COL7A1: variants seen among roughly 807,000 people sequenced by gnomAD.
COL7A1 encodes the protein collagen type VII alpha 1 chain, also known as collagen alpha-1(VII) chain.
In COL7A1, 296 loss-of-function variants were observed where a neutral mutation model predicts 456.2. The ratio of observed to expected loss-of-function variants is 0.65; its 90% confidence interval spans 0.59 to 0.71. COL7A1 has a LOEUF of 0.71. COL7A1 is among the 30% of genes least tolerant of loss of function. The pLI is 0.00. For missense variants in COL7A1, 3,441 were observed against 4,017.2 expected, an observed-to-expected ratio of 0.86 and a Z score of 3.88; for synonymous variants, 1,464 against 1,525.9, an observed-to-expected ratio of 0.96 and a Z score of 0.95.
In COL7A1 at chr3:48,586,713, C is replaced by A. The variant is rs112544320; in HGVS notation, c.3277-24G>T. 1.9e-6 allele frequency: 3 copies of A among 1,562,414 alleles called. No homozygotes were observed. Among genetic ancestry groups the A allele is most frequent in the Non-Finnish European group, 2.6e-6 (3 of 1,152,786 alleles). On this transcript the variant is annotated intron_variant, in intron 25 of 118. Transcript: ENST00000681320. The surrounding 1 kb of genome is among the most constrained non-coding windows in gnomAD (Gnocchi z 5.1). Reference sequence around the variant, plus strand: ...ACCTGGGGTGGAAGGAAACACAGAGCCTGAGGAGGATGACAGAGCAGGGAT... The same window carrying A: ...ACCTGGGGTGGAAGGAAACACAGAGACTGAGGAGGATGACAGAGCAGGGAT...
Position 48,570,527 on chromosome 3 carries a change from C to T in COL7A1, c.7345-27G>A, listed in dbSNP as rs757691011. On this transcript the variant is annotated intron_variant, in intron 96 of 118. Coordinates refer to ENST00000681320, the MANE Select transcript of COL7A1 (RefSeq NM_000094.4). This position sits in a 1 kb window ranked among gnomAD's most constrained non-coding sequence, Gnocchi z 5.5. ...TGTAGGTCAGAGTGAGGTGAGGGTC[C>T]TGTGGCTCTCAAAGCGCCTCCCCCA... 34 of 1,613,894 alleles carry T rather than the reference C, an allele frequency of 2.1e-5. No homozygotes were observed. The South Asian group carries it at 2.9e-4, about 14-fold the overall frequency.
chr3:48,569,503 G>T lies in COL7A1; in HGVS notation c.7615-57C>A. On this transcript the variant is annotated intron_variant, in intron 102 of 118. Coordinates refer to ENST00000681320, the MANE Select transcript of COL7A1 (RefSeq NM_000094.4). The surrounding 1 kb of genome is among the most constrained non-coding windows in gnomAD (Gnocchi z 4.9). ...GGGGCTGAAGGTCCCTCACCCTCTGGGAGTTTGAGCTCTCAGATGCCCTGG... is the reference window on the plus strand; with the variant it reads ...GGGGCTGAAGGTCCCTCACCCTCTGTGAGTTTGAGCTCTCAGATGCCCTGG... The T allele has an allele frequency of 6.2e-7, 1 of 1,612,918 alleles. No individual in the cohort carries two copies. The highest frequency in any genetic ancestry group is 1.3e-5 in the African/African-American group (1 of 75,004).
chr3:48,571,719 G>A lies in COL7A1; in HGVS notation c.7068+282C>T, dbSNP rs1267047100. The stretch of plus-strand genomic sequence containing the variant: ...GAGAGGTTCACAAGAACTCAGGTGT[G>A]TCCTGGGATCTGGGAGATCAGACCA... On this transcript the variant is annotated intron_variant, in intron 92 of 118. Transcript: ENST00000681320. This position sits in a 1 kb window ranked among gnomAD's most constrained non-coding sequence, Gnocchi z 4.6. 1.4e-5 allele frequency: 9 copies of A among 639,930 alleles called. No individual in the cohort carries two copies. The Admixed American group carries it at 2.0e-4, about 14-fold the overall frequency. 39.6% of individuals were successfully genotyped at this position (639,930 alleles called of 1,614,324 possible).
In COL7A1 at chr3:48,572,119, C is replaced by T; in HGVS notation, c.7023+8G>A. On this transcript the variant is annotated splice_region_variant and intron_variant, in intron 91 of 118. Coordinates refer to ENST00000681320, the MANE Select transcript of COL7A1 (RefSeq NM_000094.4). This position sits in a 1 kb window ranked among gnomAD's most constrained non-coding sequence, Gnocchi z 4.6. ...CAGTAGTCAGGCCCCAGGGCCAACC[C>T]ACCTCACCTTCTCGCCTCGCGGCCC... 1 of 1,614,054 alleles carries T rather than the reference C, an allele frequency of 6.2e-7. No individual in the cohort carries two copies. The highest frequency in any genetic ancestry group is 8.5e-7 in the Non-Finnish European group (1 of 1,179,996).
chr3:48,585,769 A>C lies in COL7A1; in HGVS notation c.3787-35T>G. The C allele has an allele frequency of 6.2e-7, 1 of 1,613,570 alleles. No homozygotes were observed. The highest frequency in any genetic ancestry group is 8.5e-7 in the Non-Finnish European group (1 of 1,179,870). On this transcript the variant is annotated intron_variant, in intron 30 of 118. Transcript: ENST00000681320. The surrounding 1 kb of genome is among the most constrained non-coding windows in gnomAD (Gnocchi z 4.5). Reference sequence around the variant, plus strand: ...GTAATCAGTGAGACCTGTGCTGCCAACCTCTCCTGCCCCACTGACACTCAA... The same window carrying C: ...GTAATCAGTGAGACCTGTGCTGCCACCCTCTCCTGCCCCACTGACACTCAA...
In COL7A1 at chr3:48,565,184, C is replaced by A; in HGVS notation, c.8545G>T (p.Asp2849Tyr). ...TCGGAGTATTCAGAGTACTCATCAT[C>A]CTCAGGGGGTACCCGCTCTGCAGGT... is the stretch of plus-strand genomic sequence containing the variant. Reference protein sequence around the residue: ...AEEEERVPPEDDEYSEYSEYS... With the variant: ...AEEEERVPPEYDEYSEYSEYS... The change falls in exon 117 of 119, where the codon GAT becomes TAT. Residue 2849 changes from aspartate to tyrosine, a missense_variant. Asp to Tyr is a radical substitution (Grantham distance 160, BLOSUM62 -3). Transcript: ENST00000681320. The surrounding 1 kb of genome is among the most constrained non-coding windows in gnomAD (Gnocchi z 4.5). 6.2e-7 allele frequency: 1 copy of A among 1,613,874 alleles called. No homozygotes were observed. Among genetic ancestry groups the A allele is most frequent in the Non-Finnish European group, 8.5e-7 (1 of 1,179,894 alleles).
chr3:48,574,020 A>G lies in COL7A1; in HGVS notation c.6502-130T>C. On this transcript the variant is annotated intron_variant, in intron 80 of 118. Coordinates refer to ENST00000681320, the MANE Select transcript of COL7A1 (RefSeq NM_000094.4). This position sits in a 1 kb window ranked among gnomAD's most constrained non-coding sequence, Gnocchi z 5.0. ...TTCCAGTCACAGATAATACCTACCC[A>G]TGGACTGCCTCTCATAGATAGCACA... The G allele has an allele frequency of 8.0e-7, 1 of 1,246,846 alleles. No homozygotes were observed. Among genetic ancestry groups the G allele is most frequent in the East Asian group, 2.5e-5 (1 of 39,622 alleles). The allele number at this position is 1,246,846 out of a possible 1,614,324, so 77.2% of individuals were successfully genotyped here.
At position 48,572,338 on chromosome 3, in the gene COL7A1, C is replaced by T. The variant is rs746453177; in HGVS notation, c.6978+42G>A. On this transcript the variant is annotated intron_variant, in intron 90 of 118. Transcript: ENST00000681320. This position sits in a 1 kb window ranked among gnomAD's most constrained non-coding sequence, Gnocchi z 4.6. Reference sequence around the variant, plus strand: ...GTCAGAAGTTAGGCCACTGGAGAGACAGGACCCCCAGAACATCTGCTGTCA... The same window carrying T: ...GTCAGAAGTTAGGCCACTGGAGAGATAGGACCCCCAGAACATCTGCTGTCA... 1.1e-5 allele frequency: 18 copies of T among 1,614,022 alleles called. No individual in the cohort carries two copies. The highest frequency in any genetic ancestry group is 8.8e-5 in the South Asian group (8 of 91,088).
Position 48,566,153 on chromosome 3 carries a change from A to G in COL7A1, c.8407+114T>C. On this transcript the variant is annotated intron_variant, in intron 114 of 118. Transcript: ENST00000681320. The surrounding 1 kb of genome is among the most constrained non-coding windows in gnomAD (Gnocchi z 5.9). ...CTGCAGCACATGTGTCCTTCTGTGT[A>G]TCCATCCATCCCCCCATCTTCTTGA... The G allele has an allele frequency of 9.0e-7, 1 of 1,106,634 alleles. No individual in the cohort carries two copies. The highest frequency in any genetic ancestry group is 1.3e-6 in the Non-Finnish European group (1 of 745,330). 68.6% of individuals were successfully genotyped at this position (1,106,634 alleles called of 1,614,324 possible). A position where few individuals can be genotyped will look rare whatever the true frequency, so the allele number is the denominator to read the frequency against.
chr3:48,587,074 T>G lies in COL7A1; in HGVS notation c.3174A>C (p.Leu1058=). The G allele has an allele frequency of 6.2e-7, 1 of 1,611,264 alleles. No individual in the cohort carries two copies. The highest frequency in any genetic ancestry group is 1.6e-4 in the Middle Eastern group (1 of 6,062). ...CPRGLADVVF[L]PHATQDNAHR... ...GAGCATTGTCTTGAGTGGCATGTGG[T>G]AGGAACACCACATCCGCCAGGCCAC... Residue 1058 remains leucine (L), a synonymous_variant, in exon 25 of 119, where the codon CTA becomes CTC. Transcript: ENST00000681320. The surrounding 1 kb of genome is among the most constrained non-coding windows in gnomAD (Gnocchi z 6.1).
At position 48,573,316 on chromosome 3, in the gene COL7A1, C is replaced by A. The variant is rs1475291441; in HGVS notation, c.6651G>T (p.Arg2217=). The A allele has an allele frequency of 6.2e-7, 1 of 1,613,986 alleles. No individual in the cohort carries two copies. Among genetic ancestry groups the A allele is most frequent in the Non-Finnish European group, 8.5e-7 (1 of 1,180,020 alleles). ...CTAACCTGTGAGCTAGGCCACTCAC[C>A]CGTCCTGGAGGTCCTGTCTCTCCAG... is the stretch of plus-strand genomic sequence containing the variant. ...GEPGETGPPG[R]GLTGPTGAVG... The change falls in exon 84 of 119, where the codon CGG becomes CGT. Residue 2217 remains arginine, a splice_region_variant and synonymous_variant. Transcript: ENST00000681320. This position sits in a 1 kb window ranked among gnomAD's most constrained non-coding sequence, Gnocchi z 5.5.
In COL7A1 at chr3:48,569,351, A is replaced by G. The variant is rs1043180615; in HGVS notation, c.7686+24T>C. 10 of 1,611,778 alleles carry G rather than the reference A, an allele frequency of 6.2e-6. No homozygotes were observed. The highest frequency in any genetic ancestry group is 7.6e-6 in the Non-Finnish European group (9 of 1,178,068). On this transcript the variant is annotated intron_variant, in intron 103 of 118. Coordinates refer to ENST00000681320, the MANE Select transcript of COL7A1 (RefSeq NM_000094.4). This position sits in a 1 kb window ranked among gnomAD's most constrained non-coding sequence, Gnocchi z 4.9. ...ACCACAGCCACAGGACCCCACAGAG[A>G]GTACACCACCCTCTTCCCTGTACCT...
Position 48,590,405 on chromosome 3 carries a change from C to A in COL7A1, c.1907-49G>T, listed in dbSNP as rs774850698. 1.4e-4 allele frequency: 233 copies of A among 1,613,956 alleles called. No individual in the cohort carries two copies. The highest frequency in any genetic ancestry group is 2.0e-4 in the Admixed American group (12 of 60,006). The stretch of plus-strand genomic sequence containing the variant: ...CATGGCTCCTGCCTGTCCCCTCTGG[C>A]ACCCATACCCTCATTGGTCCCTTTG... On this transcript the variant is annotated intron_variant, in intron 15 of 118. Transcript: ENST00000681320. The surrounding 1 kb of genome is among the most constrained non-coding windows in gnomAD (Gnocchi z 4.6).
At position 48,567,006 on chromosome 3, in the gene COL7A1, C is replaced by A. The variant is rs2043636654; in HGVS notation, c.8127G>T (p.Gly2709=). 1 of 1,613,084 alleles carries A rather than the reference C, an allele frequency of 6.2e-7. No individual in the cohort carries two copies. Among genetic ancestry groups the A allele is most frequent in the Non-Finnish European group, 8.5e-7 (1 of 1,179,244 alleles). The change falls in exon 111 of 119, where the codon GGG becomes GGT. Residue 2709 remains glycine (G), a synonymous_variant. Coordinates refer to ENST00000681320, the MANE Select transcript of COL7A1 (RefSeq NM_000094.4). This position sits in a 1 kb window ranked among gnomAD's most constrained non-coding sequence, Gnocchi z 4.3. The stretch of plus-strand genomic sequence containing the variant: ...CATTTCCACTGGGGCCTGGGAAGCC[C>A]CCAATTCCTGGGGTTCCCTGGGGAG... The part of the protein sequence containing the change: ...EKGERGTPGI[G]GFPGPSGNDG...
rs541097391 is a variant in COL7A1 at position 48,573,616 on chromosome 3, G to C, written c.6574-59C>G. On this transcript the variant is annotated intron_variant, in intron 82 of 118. Transcript: ENST00000681320. The surrounding 1 kb of genome is among the most constrained non-coding windows in gnomAD (Gnocchi z 5.5). Reference sequence around the variant, plus strand: ...TCAGGGATTAACACAGAGAAGGCCTGGCTCATCAGCTGTGGCCAATGCCTA... The same window carrying C: ...TCAGGGATTAACACAGAGAAGGCCTCGCTCATCAGCTGTGGCCAATGCCTA... 1 of 1,613,434 alleles carries C rather than the reference G, an allele frequency of 6.2e-7. No individual in the cohort carries two copies. Among genetic ancestry groups the C allele is most frequent in the South Asian group, 1.1e-5 (1 of 91,062 alleles).
Position 48,590,218 on chromosome 3 carries a change from C to G in COL7A1, c.2045G>C (p.Arg682Pro). 7 of 1,612,440 alleles carry G rather than the reference C, an allele frequency of 4.3e-6. No individual in the cohort carries two copies. Among genetic ancestry groups the G allele is most frequent in the Non-Finnish European group, 5.9e-6 (7 of 1,179,610 alleles). Reference sequence around the variant, plus strand: ...GGACGGGGGCAGGGCCTGACCCGTTCGAGCCACGATGACTGCAGCAGGGCC... The same window carrying G: ...GGACGGGGGCAGGGCCTGACCCGTTGGAGCCACGATGACTGCAGCAGGGCC... ...EEGPAAVIVA[R>P]TDPLGPVRTV... The change falls in exon 16 of 119, where the codon CGA (arginine) becomes CCA (proline). Residue 682 changes from arginine to proline, a missense_variant. This residue lies in a region of COL7A1 where 913 missense variants were observed against 1,088.2 expected (regional missense o/e 0.84). Transcript: ENST00000681320. The surrounding 1 kb of genome is among the most constrained non-coding windows in gnomAD (Gnocchi z 4.6).
Position 48,585,452 on chromosome 3 carries a change from G to A in COL7A1, c.3894+105C>T. ...TTTATAACCTCCAGCTGGGCTTCTA[G>A]GAATTCCCGATGATTCTAACTCTGC... On this transcript the variant is annotated intron_variant, in intron 32 of 118. Coordinates refer to ENST00000681320, the MANE Select transcript of COL7A1 (RefSeq NM_000094.4). This position sits in a 1 kb window ranked among gnomAD's most constrained non-coding sequence, Gnocchi z 4.5. The A allele has an allele frequency of 7.4e-7, 1 of 1,346,162 alleles. No homozygotes were observed. The highest frequency in any genetic ancestry group is 1.1e-6 in the Non-Finnish European group (1 of 943,476). 83.4% of individuals were successfully genotyped at this position (1,346,162 alleles called of 1,614,324 possible).
Position 48,582,385 on chromosome 3 carries a change from C to G in COL7A1, c.4600-27G>C, listed in dbSNP as rs374243702. On this transcript the variant is annotated intron_variant, in intron 46 of 118. Transcript: ENST00000681320. ...TGTGGAGAGAGGATAGGAGCAGGGA[C>G]AGGTCAGGGAGTCACCTAGGAGCCC... 4 of 1,613,952 alleles carry G rather than the reference C, an allele frequency of 2.5e-6. No individual in the cohort carries two copies. In the African/African-American group the frequency reaches 4.0e-5, roughly 16 times the overall value.
chr3:48,570,574 C>T lies in COL7A1; in HGVS notation c.7344+65G>A. ...CCCAACACCCCACAGTGTGGCCCGC[C>T]CCATCCTAAGTCCTCACGAGGACAG... On this transcript the variant is annotated intron_variant, in intron 96 of 118. Coordinates refer to ENST00000681320, the MANE Select transcript of COL7A1 (RefSeq NM_000094.4). The surrounding 1 kb of genome is among the most constrained non-coding windows in gnomAD (Gnocchi z 5.5). 1 of 1,613,522 alleles carries T rather than the reference C, an allele frequency of 6.2e-7. No homozygotes were observed. Among genetic ancestry groups the T allele is most frequent in the Non-Finnish European group, 8.5e-7 (1 of 1,179,644 alleles).
Sources: gnomAD v4.1 joint callset for allele counts on GRCh38, gnomAD v4.1.1 for gene constraint, gnomAD v4.1.1 regional missense constraint, Gnocchi (gnomAD v3.1) non-coding constraint, MANE v1.5 for transcripts, NCBI Gene and HGNC (gene_info 2026-07-23, HGNC 2026-07-21) for gene names.